Variants in TDRD3 observed in about 807,000 individuals in gnomAD.
TDRD3 encodes tudor domain containing 3, also known as tudor domain-containing protein 3.
In TDRD3, 45 loss-of-function variants were observed where a neutral mutation model predicts 86.7. That is an observed-to-expected ratio of 0.52 (90% CI 0.41 to 0.67). The LOEUF (loss-of-function observed/expected upper bound fraction) is 0.67. Among genes scored for constraint, TDRD3 ranks in the 30% least tolerant of loss-of-function variants. The pLI is 0.00. For missense variants in TDRD3, 814 were observed against 889.0 expected, an observed-to-expected ratio of 0.92 and a Z score of 1.07; for synonymous variants, 298 against 301.7, an observed-to-expected ratio of 0.99 and a Z score of 0.13.
intron 10 of TDRD3, among the ~76,000 whole-genome samples, chr13:60,516,094 T>C (rs914163735): frequency 1.3e-5 from 2 of 152,326 alleles, no homozygotes; most frequent in Admixed American, 1.3e-4. Flanking sequence ...GATTCAGTGA[T>C]ATGCATATAT....
intron 8 of TDRD3, among the ~76,000 whole-genome samples, chr13:60,505,389 G>T (rs147717389): frequency 9.2e-5 from 14 of 152,276 alleles, no homozygotes; most frequent in African/African-American, 3.1e-4. Context: ...TGCGTCTCTG[G>T]ATTCTTCCTC....
intron 2 of TDRD3, among the ~76,000 whole-genome samples, chr13:60,441,742 C>A (rs1445759199): frequency 6.6e-6 from 1 of 152,102 alleles, no homozygotes; most frequent in African/African-American, 2.4e-5. Context: ...AACAAGTTTT[C>A]TTCTCTTCTT....
At chr13:60,456,069 C>CAAAAAAAAAAAAA (rs35117003) in intron 3 of TDRD3, among the ~76,000 whole-genome samples, 2 of 95,568 alleles carry the variant, frequency 2.1e-5, no homozygotes. Context: ...GACTATGTCT[C>CAAAAAAAAAAAAA]AAAAAAAAAA....
intron 1 of TDRD3, among the ~76,000 whole-genome samples, chr13:60,422,816 G>C (rs1189224379): frequency 3.9e-5 from 6 of 152,128 alleles, no homozygotes; most frequent in Admixed American, 2.6e-4. Context: ...TCAAGTCAAG[G>C]AAGGAATAAT....
At chr13:60,458,569 C>G (rs1304022204) in intron 3 of TDRD3, among the ~76,000 whole-genome samples, 3 of 152,106 alleles carry the variant, frequency 2.0e-5, no homozygotes, top group African/African-American at 7.2e-5. Context: ...GCAAATGTTT[C>G]CCTCCTACAT....
intron 10 of TDRD3, among the ~76,000 whole-genome samples, chr13:60,527,740 T>C (rs1957477586): frequency 6.6e-6 from 1 of 152,208 alleles, no homozygotes; most frequent in Non-Finnish European, 1.5e-5. Flanking sequence ...TTTGACACTT[T>C]TCTGTATTTC....
chr13:60,513,382 T>G (rs1321107324), intron 10 of TDRD3, among the ~76,000 whole-genome samples: 1 of 152,226 alleles, frequency 6.6e-6, no homozygotes, highest in Non-Finnish European at 1.5e-5. Flanking sequence ...CCCCATTGTC[T>G]TGGGGATTAA....
chr13:60,548,805 T>C (rs1212340979), intron 12 of TDRD3, among the ~76,000 whole-genome samples: 1 of 152,156 alleles, frequency 6.6e-6, no homozygotes, highest in African/African-American at 2.4e-5. Context: ...GTGCTGAAAA[T>C]TAGTATGATC....
At chr13:60,532,181 A>G (rs1285464804) in intron 11 of TDRD3, among the ~76,000 whole-genome samples, 1 of 152,236 alleles carries the variant, frequency 6.6e-6, no homozygotes, top group Non-Finnish European at 1.5e-5. Context: ...AATATGTTCA[A>G]AATGTCATGT....
At chr13:60,523,479 C>A (rs552137632) in intron 10 of TDRD3, among the ~76,000 whole-genome samples, 55 of 150,698 alleles carry the variant, frequency 3.6e-4, no homozygotes, top group African/African-American at 4.6e-4. Context: ...ATATAGCATT[C>A]TTTGATTAGT....
intron 5 of TDRD3, among the ~76,000 whole-genome samples, chr13:60,470,913 A>G (rs1052716555): frequency 4.6e-5 from 7 of 152,046 alleles, no homozygotes; most frequent in Non-Finnish European, 8.8e-5. Context: ...TATTTCCCTA[A>G]TGCTTAGTAA....
At chr13:60,429,971 A>G (rs547412063) in intron 1 of TDRD3, among the ~76,000 whole-genome samples, 235 of 152,302 alleles carry the variant, frequency 1.5e-3, no homozygotes, top group Non-Finnish European at 3.0e-3. Context: ...TATTCCAAGC[A>G]TATGCTAGGT....
intron 13 of TDRD3, among the ~76,000 whole-genome samples, chr13:60,570,143 G>A (rs1958553539): frequency 6.6e-6 from 1 of 152,166 alleles, no homozygotes; most frequent in African/African-American, 2.4e-5. Flanking sequence ...CAGAATGGGA[G>A]AAGATATTTT....
At chr13:60,491,636 C>T (rs532251680) in intron 7 of TDRD3, among the ~76,000 whole-genome samples, 6 of 152,100 alleles carry the variant, frequency 3.9e-5, no homozygotes, top group Admixed American at 6.6e-5. Context: ...AATATAGAAT[C>T]GAGGAAGTTG....
intron 12 of TDRD3, among the ~76,000 whole-genome samples, chr13:60,557,066 C>T (rs751885167): frequency 3.3e-5 from 5 of 151,964 alleles, no homozygotes; most frequent in Non-Finnish European, 5.9e-5. Flanking sequence ...ATTAGCCGGG[C>T]ATGGTGGCAC....
chr13:60,528,800 T>A lies in TDRD3; in HGVS notation c.1575T>A (p.Ser525=), dbSNP rs762484472. 16 of 1,613,886 alleles carry A rather than the reference T, an allele frequency of 9.9e-6. No homozygotes were observed. In the South Asian group the frequency reaches 1.8e-4, roughly 18 times the overall value. ...AAGAAAATCCACTTCCTCAAGGATC[T>A]GTAGATTATAATAATCAAAAACGTG... ...EAKENPLPQG[S]VDYNNQKRGK... is the part of the protein sequence containing the mutation. Residue 525 remains serine (S), a synonymous_variant, in exon 11 of 14, where the codon TCT becomes TCA. Coordinates refer to ENST00000377881, the MANE Select transcript of TDRD3 (RefSeq NM_001146070.2).
chr13:60,424,157 G>A (rs1034772096), intron 1 of TDRD3, among the ~76,000 whole-genome samples: 1 of 151,966 alleles, frequency 6.6e-6, no homozygotes, highest in African/African-American at 2.4e-5. Context: ...GAGTAGCTGG[G>A]ACTACAGGCG....
intron 12 of TDRD3, among the ~76,000 whole-genome samples, chr13:60,562,104 A>T (rs1306341923): frequency 3.3e-5 from 5 of 151,986 alleles, no homozygotes; most frequent in African/African-American, 1.2e-4. Flanking sequence ...TGAGATCAGG[A>T]GTTCGAGACC....
chr13:60,460,415 T>C lies in TDRD3; in HGVS notation c.228T>C (p.Ile76=). 6.2e-7 allele frequency: 1 copy of C among 1,602,006 alleles called. No individual in the cohort carries two copies. The highest frequency in any genetic ancestry group is 8.5e-7 in the Non-Finnish European group (1 of 1,177,044). ...EGPCVLQIQK[I]RNVAAPKDNE... ...CATGTGTTTTGCAAATTCAAAAAAT[T>C]CGCAATGTTGCTGCACCAAAGGATA... The change falls in exon 4 of 14, where the codon ATT becomes ATC. Residue 76 remains isoleucine, a synonymous_variant. Transcript: ENST00000377881.
Sources: allele counts gnomAD v4.1 joint callset (sites outside exome capture counted in the v4.1 genomes callset), GRCh38; gene constraint gnomAD v4.1.1; transcripts MANE v1.5; gene names NCBI Gene and HGNC (gene_info 2026-07-23, HGNC 2026-07-21).